Variants in MAP1A observed in about 807,000 individuals in gnomAD.
MAP1A encodes microtubule associated protein 1A.
A neutral mutation model predicts 185.9 loss-of-function variants in MAP1A; 42 were observed. The observed-to-expected ratio is 0.23, with a 90% CI of 0.18 to 0.29. The LOEUF (loss-of-function observed/expected upper bound fraction) is 0.29. MAP1A is among the 10% of genes least tolerant of loss of function. The pLI, the probability that MAP1A is intolerant of heterozygous loss-of-function variation, is 1.00. For synonymous variants in MAP1A, 1,229 were observed against 1,335.9 expected, an observed-to-expected ratio of 0.92 and a Z score of 1.74; for missense variants, 2,995 against 3,450.4, an observed-to-expected ratio of 0.87 and a Z score of 3.31.
In MAP1A at chr15:43,530,465, A is replaced by C. The variant is rs1011845308; in HGVS notation, c.*241A>C. On this transcript the variant is annotated 3_prime_UTR_variant, in exon 6 of 6. Transcript: ENST00000300231. The stretch of plus-strand genomic sequence containing the variant: ...GGGGGAGGGGACAAATTAGAATAGG[A>C]TAGCATCTGATGCCTGAGAACCCTC... The C allele has an allele frequency of 1.1e-5, 6 of 531,434 alleles. No individual in the cohort carries two copies. In the Admixed American group the frequency reaches 1.7e-4, roughly 15 times the overall value. 32.9% of individuals were successfully genotyped at this position (531,434 alleles called of 1,614,324 possible). A position where few individuals can be genotyped will look rare whatever the true frequency, so the allele number is the denominator to read the frequency against.
At position 43,523,087 on chromosome 15, in the gene MAP1A, G is replaced by T; in HGVS notation, c.1614G>T (p.Met538Ile). The change falls in exon 4 of 6, where the codon ATG (methionine) becomes ATT (isoleucine). Residue 538 changes from methionine (M) to isoleucine (I), a missense_variant. This residue lies in a region of MAP1A where 2,728 missense variants were observed against 2,986.0 expected (regional missense o/e 0.91). Transcript: ENST00000300231. ...ACCTCACACAGGACTTTGAGGAGAT[G>T]AAGCGTGAGGAGAGGGCTTTGCTGG... ...PEDLTQDFEE[M>I]KREERALLAE... 1 of 1,614,236 alleles carries T rather than the reference G, an allele frequency of 6.2e-7. No individual in the cohort carries two copies. The highest frequency in any genetic ancestry group is 8.5e-7 in the Non-Finnish European group (1 of 1,180,044).
Position 43,524,571 on chromosome 15 carries a change from C to T in MAP1A, c.3098C>T (p.Thr1033Ile), listed in dbSNP as rs370480660. 1.3e-5 allele frequency: 21 copies of T among 1,614,024 alleles called. No homozygotes were observed. In the East Asian group the frequency reaches 4.5e-4, roughly 34 times the overall value. The change falls in exon 4 of 6, where the codon ACT becomes ATT. Residue 1033 changes from threonine to isoleucine, a missense_variant. By Grantham distance (89) the Thr-to-Ile change is moderately conservative (BLOSUM62 -1). Coordinates refer to ENST00000300231, the MANE Select transcript of MAP1A (RefSeq NM_002373.6). ...DFQEADSWGD[T>I]KRTPGVGKED... Reference sequence around the variant, plus strand: ...CAGGAGGCAGACTCCTGGGGAGACACTAAGCGCACACCAGGTGTGGGCAAA... The same window carrying T: ...CAGGAGGCAGACTCCTGGGGAGACATTAAGCGCACACCAGGTGTGGGCAAA...
At chr15:43,517,828 G>C (rs1388190474) in intron 1 of MAP1A, 128 bp downstream of exon 1, 2 of 178,038 alleles carry the variant, frequency 1.1e-5, no homozygotes, top group African/African-American at 4.8e-5. Context: ...CAGTAGGCAG[G>C]ATGGGGAAAT....
In MAP1A at chr15:43,525,963, A is replaced by G. The variant is rs1019383576; in HGVS notation, c.4490A>G (p.Lys1497Arg). 1 of 1,614,160 alleles carries G rather than the reference A, an allele frequency of 6.2e-7. No individual in the cohort carries two copies. Among genetic ancestry groups the G allele is most frequent in the African/African-American group, 1.3e-5 (1 of 75,068 alleles). The stretch of plus-strand genomic sequence containing the variant: ...GAGAAGATCCCAGAAGAGAAAGACA[A>G]AGCCTTAGATCAAAAAGTCAGAAGT... ...QKEKIPEEKD[K>R]ALDQKVRSVE... The change falls in exon 4 of 6, where the codon AAA becomes AGA. Residue 1497 changes from lysine to arginine, a missense_variant. By Grantham distance (26) the Lys-to-Arg change is conservative. Coordinates refer to ENST00000300231, the MANE Select transcript of MAP1A (RefSeq NM_002373.6).
rs2079370338 is a variant in MAP1A, at chr15:43,531,212, C to G, written c.*988C>G. ...CACTGGCTGCCTCTCCAAACCCGCTCTTGGACAGAGGATCTGGGAGGTGGA... is the reference window on the plus strand; with the variant it reads ...CACTGGCTGCCTCTCCAAACCCGCTGTTGGACAGAGGATCTGGGAGGTGGA... On this transcript the variant is annotated 3_prime_UTR_variant, in exon 6 of 6. Coordinates refer to ENST00000300231, the MANE Select transcript of MAP1A (RefSeq NM_002373.6). 1 of 152,676 alleles carries G rather than the reference C, an allele frequency of 6.5e-6. No individual in the cohort carries two copies. Among genetic ancestry groups the G allele is most frequent in the Non-Finnish European group, 1.5e-5 (1 of 68,084 alleles). The allele number at this position is 152,676 out of a possible 1,614,324, so 9.5% of individuals were successfully genotyped here. A position where few individuals can be genotyped will look rare whatever the true frequency, so the allele number is the denominator to read the frequency against.
At chr15:43,512,386 G>A in intron 2 of MAP1A, 1 of 767,218 alleles carries the variant, frequency 1.3e-6, no homozygotes, top group Non-Finnish European at 2.2e-6. Flanking sequence ...AGGTTTGAGT[G>A]GAGGAGAAGG....
chr15:43,519,993 G>A lies in MAP1A; in HGVS notation c.-374-648G>A, dbSNP rs187369288. 1.2e-3 allele frequency among the ~76,000 whole-genome samples: 179 copies of A among 152,300 alleles called. 3 individuals carry two copies. In the Middle Eastern group the frequency reaches 0.014, roughly 12 times the overall value. On this transcript the variant is annotated intron_variant, in intron 1 of 5. Coordinates refer to ENST00000300231, the MANE Select transcript of MAP1A (RefSeq NM_002373.6). ...TATGATTGTGTGCATGTGTATTAGT[G>A]CGGGCTTGGCCTCTGAGGAACCAGA...
intron 1 of MAP1A, among the ~76,000 whole-genome samples, chr15:43,519,717 T>C (rs2140203806): frequency 6.6e-6 from 1 of 152,322 alleles, no homozygotes; most frequent in Admixed American, 6.5e-5. Context: ...ATAGGGGATT[T>C]GGGGATGCCT....
At position 43,530,300 on chromosome 15, in the gene MAP1A, GT is replaced by G; in HGVS notation, c.*78del. Reference sequence around the variant, plus strand: ...AATGGCTACTGCTGAGTCCTTTGGGGTTGAGGGAGATGGGAGCTAGGGGGAG... The same window carrying G: ...AATGGCTACTGCTGAGTCCTTTGGGGTGAGGGAGATGGGAGCTAGGGGGAG... On this transcript the variant is annotated 3_prime_UTR_variant, in exon 6 of 6. Coordinates refer to ENST00000300231, the MANE Select transcript of MAP1A (RefSeq NM_002373.6). 6.4e-7 allele frequency: 1 copy of G among 1,568,374 alleles called. No homozygotes were observed. Among genetic ancestry groups the G allele is most frequent in the East Asian group, 2.2e-5 (1 of 44,536 alleles).
In MAP1A at chr15:43,521,037, G is replaced by T. The variant is rs1024712624; in HGVS notation, c.-226G>T. 7 of 1,550,282 alleles carry T rather than the reference G, an allele frequency of 4.5e-6. No individual in the cohort carries two copies. Among genetic ancestry groups the T allele is most frequent in the Non-Finnish European group, 3.5e-6 (4 of 1,146,814 alleles). On this transcript the variant is annotated 5_prime_UTR_variant, in exon 3 of 6. Transcript: ENST00000300231. This position sits in a 1 kb window ranked among gnomAD's most constrained non-coding sequence, Gnocchi z 4.6. ...TAATCTTGAGTGGGCAAAGTTTAGA[G>T]CCTGGGGGAGACCTCATCCTACAGA...
chr15:43,521,980 G>A lies in MAP1A; in HGVS notation c.507G>A (p.Leu169=), dbSNP rs911514022. 4 of 1,614,068 alleles carry A rather than the reference G, an allele frequency of 2.5e-6. No individual in the cohort carries two copies. The highest frequency in any genetic ancestry group is 2.5e-6 in the Non-Finnish European group (3 of 1,180,042). Residue 169 remains leucine (L), a synonymous_variant, in exon 4 of 6, where the codon CTG becomes CTA. Transcript: ENST00000300231. This position sits in a 1 kb window ranked among gnomAD's most constrained non-coding sequence, Gnocchi z 4.6. ...TCACTCTGCAGCACTTAAACCGCCT[G>A]GGCATCCAGGCTGAGCCTCTATATC... is the stretch of plus-strand genomic sequence containing the variant. ...ACLTLQHLNR[L]GIQAEPLYRV... is the part of the protein sequence containing the mutation.
In MAP1A at chr15:43,526,432, A is replaced by G. The variant is rs2079343833; in HGVS notation, c.4959A>G (p.Thr1653=). 2.5e-6 allele frequency: 4 copies of G among 1,614,044 alleles called. No homozygotes were observed. The highest frequency in any genetic ancestry group is 3.4e-6 in the Non-Finnish European group (4 of 1,180,028). ...GQDVVQEWQE[T]SPTREEPAGE... ...ATGTGGTCCAGGAGTGGCAAGAAACATCTCCTACCAGAGAGGAGCCGGCTG... is the reference window on the plus strand; with the variant it reads ...ATGTGGTCCAGGAGTGGCAAGAAACGTCTCCTACCAGAGAGGAGCCGGCTG... Residue 1653 remains threonine, a synonymous_variant, in exon 4 of 6, where the codon ACA becomes ACG. Transcript: ENST00000300231. This position sits in a 1 kb window ranked among gnomAD's most constrained non-coding sequence, Gnocchi z 4.7.
At chr15:43,518,850 G>A (rs564522380) in intron 1 of MAP1A, among the ~76,000 whole-genome samples, 1 of 152,178 alleles carries the variant, frequency 6.6e-6, no homozygotes, top group Non-Finnish European at 1.5e-5. Context: ...TTTCTCCCAG[G>A]CCTGAAAAAG....
chr15:43,521,097 C>T lies in MAP1A; in HGVS notation c.-166C>T. On this transcript the variant is annotated 5_prime_UTR_variant, in exon 3 of 6. Transcript: ENST00000300231. The surrounding 1 kb of genome is among the most constrained non-coding windows in gnomAD (Gnocchi z 4.6). ...ACTCATATGAAAACTTTGCCCAGGT[C>T]CTTCACAACCCCGAGGTAAGTTCCA... 1 of 1,547,666 alleles carries T rather than the reference C, an allele frequency of 6.5e-7. No homozygotes were observed. Among genetic ancestry groups the T allele is most frequent in the Non-Finnish European group, 8.7e-7 (1 of 1,146,912 alleles).
upstream of MAP1A, among the ~76,000 whole-genome samples, chr15:43,513,950 T>TA (rs2079290387): frequency 6.6e-6 from 1 of 152,224 alleles, no homozygotes; most frequent in African/African-American, 2.4e-5. Context: ...CCTTGTCCTT[T>TA]TGGCTACAGA....
chr15:43,518,260 G>C (rs1042874354), intron 1 of MAP1A, among the ~76,000 whole-genome samples: 1 of 152,094 alleles, frequency 6.6e-6, no homozygotes, highest in African/African-American at 2.4e-5. Flanking sequence ...CCGGTTTGCA[G>C]TGGGCTCCCC....
chr15:43,511,120 G>T (rs905590040), exon 1 of MAP1A: 1 of 1,550,402 alleles, frequency 6.4e-7, no homozygotes, highest in Admixed American at 2.0e-5. Flanking sequence ...CCGGAGCCGC[G>T]GTGGCGGCTG....
Position 43,528,614 on chromosome 15 carries a change from G to A in MAP1A, c.7141G>A (p.Glu2381Lys). The change falls in exon 4 of 6, where the codon GAG (glutamate) becomes AAG (lysine). Residue 2381 changes from glutamate (E) to lysine (K), a missense_variant. Glu to Lys is a moderately conservative substitution (Grantham distance 56, BLOSUM62 1). Coordinates refer to ENST00000300231, the MANE Select transcript of MAP1A (RefSeq NM_002373.6). ...TGCCCCAGCCAAGGCTGAAAATGAAGAGGCTGCGGCTTGCCCTGCCTGGGA... is the reference window on the plus strand; with the variant it reads ...TGCCCCAGCCAAGGCTGAAAATGAAAAGGCTGCGGCTTGCCCTGCCTGGGA... Reference protein sequence around the residue: ...GPAPAKAENEEAAACPAWERG... With the variant: ...GPAPAKAENEKAAACPAWERG... 1 of 1,614,042 alleles carries A rather than the reference G, an allele frequency of 6.2e-7. No homozygotes were observed. Among genetic ancestry groups the A allele is most frequent in the South Asian group, 1.1e-5 (1 of 91,090 alleles).
upstream of MAP1A, among the ~76,000 whole-genome samples, chr15:43,516,703 A>G (rs1396119651): frequency 6.6e-6 from 1 of 152,234 alleles, no homozygotes; most frequent in Non-Finnish European, 1.5e-5. Context: ...GCAAAGAGAC[A>G]AGGAGAGAGC....
Sources: gnomAD v4.1 joint callset for allele counts (sites outside exome capture counted in the v4.1 genomes callset) on GRCh38, gnomAD v4.1.1 for gene constraint, gnomAD v4.1.1 regional missense constraint, Gnocchi (gnomAD v3.1) non-coding constraint, MANE v1.5 for transcripts, NCBI Gene and HGNC (gene_info 2026-07-23, HGNC 2026-07-21) for gene names.